The following TOLLIP variants were observed in gnomAD, a reference collection of about 807,000 sequenced individuals.
TOLLIP encodes the protein toll-interacting protein.
TOLLIP carries 16 observed loss-of-function variants against 33.5 expected under a neutral mutation model. The observed-to-expected ratio is 0.48, with a 90% CI of 0.32 to 0.72. The LOEUF (loss-of-function observed/expected upper bound fraction) is 0.72. Ranked by LOEUF, TOLLIP falls within the 30% of genes least tolerant of loss-of-function variation. TOLLIP has a pLI of 0.03. For synonymous variants in TOLLIP, 176 were observed against 163.7 expected (o/e 1.07, Z -0.57); for missense variants, 325 against 396.6 (o/e 0.82, Z 1.53).
chr11:1,279,556 G>A lies in TOLLIP; in HGVS notation c.611-2303C>T, dbSNP rs5744004. Reference sequence around the variant, plus strand: ...GGGCAGCCCAGAGCCCACCTGTAGCGGCCCTGGGAGGAGTGATGGGCGGCT... The same window carrying A: ...GGGCAGCCCAGAGCCCACCTGTAGCAGCCCTGGGAGGAGTGATGGGCGGCT... On this transcript the variant is annotated intron_variant, in intron 5 of 5. Transcript: ENST00000317204. Among the ~76,000 whole-genome samples the A allele has an allele frequency of 2.5e-3, 385 of 152,328 alleles. 4 individuals carry two copies. Among genetic ancestry groups the A allele is most frequent in the African/African-American group, 8.9e-3 (370 of 41,586 alleles).
chr11:1,292,847 C>G (rs527762138), intron 2 of TOLLIP, among the ~76,000 whole-genome samples: 2 of 152,222 alleles, frequency 1.3e-5, no homozygotes, highest in Admixed American at 1.3e-4. Context: ...CTAGGAGGAC[C>G]GGGTATGCGG....
intron 5 of TOLLIP, chr11:1,283,363 G>C: frequency 2.9e-6 from 1 of 350,438 alleles, no homozygotes; most frequent in South Asian, 2.1e-5. Context: ...GGATGCTGCG[G>C]ACTCAGACGG....
chr11:1,292,624 A>C (rs1253339603), intron 2 of TOLLIP, among the ~76,000 whole-genome samples: 1 of 152,232 alleles, frequency 6.6e-6, no homozygotes, highest in African/African-American at 2.4e-5. Flanking sequence ...CTATGACTGC[A>C]CACAACCACA....
chr11:1,279,414 G>C (rs1037511308), intron 5 of TOLLIP, among the ~76,000 whole-genome samples: 1 of 152,228 alleles, frequency 6.6e-6, no homozygotes, highest in African/African-American at 2.4e-5. Context: ...CTCCGGGAAC[G>C]GTGAGCGTAT....
At chr11:1,281,754 C>A (rs1863506458) in intron 5 of TOLLIP, among the ~76,000 whole-genome samples, 1 of 152,286 alleles carries the variant, frequency 6.6e-6, no homozygotes, top group South Asian at 2.1e-4. Context: ...GAGCACGCGG[C>A]ACAGGCTTCT....
At chr11:1,300,583 GGA>G (rs1268124800) in intron 1 of TOLLIP, among the ~76,000 whole-genome samples, 1 of 152,186 alleles carries the variant, frequency 6.6e-6, no homozygotes, top group East Asian at 1.9e-4. Flanking sequence ...CGTCTCCAAC[GGA>G]GAGAGCCGCT....
intron 3 of TOLLIP, 82 bp from the exon 4 acceptor site, chr11:1,288,858 C>T: frequency 1.4e-6 from 2 of 1,473,890 alleles, no homozygotes; most frequent in African/African-American, 1.4e-5. Flanking sequence ...GTGGGCCCGC[C>T]TCGAGTCCCC....
intron 1 of TOLLIP, among the ~76,000 whole-genome samples, chr11:1,308,652 G>T (rs965581776): frequency 6.6e-6 from 1 of 152,240 alleles, no homozygotes; most frequent in African/African-American, 2.4e-5. Flanking sequence ...TTCAGAGCAG[G>T]AAAGGTTCTC....
At chr11:1,286,961 A>G (rs1461655590) in intron 4 of TOLLIP, among the ~76,000 whole-genome samples, 1 of 151,860 alleles carries the variant, frequency 6.6e-6, no homozygotes. Context: ...AAAACTGTCA[A>G]CTGTGGATAA....
rs555702183 is a variant in TOLLIP at position 1,279,226 on chromosome 11, G to A, written c.611-1973C>T. ...GCCCTCAAGTGAATCCCAACAGCAC[G>A]GCCCCAACACACTCACTTGGGGAGC... On this transcript the variant is annotated intron_variant, in intron 5 of 5. Coordinates refer to ENST00000317204, the MANE Select transcript of TOLLIP (RefSeq NM_019009.4). Among the ~76,000 whole-genome samples, 4 of 152,332 alleles carry A rather than the reference G, an allele frequency of 2.6e-5. No homozygotes were observed. In the East Asian group the frequency reaches 5.8e-4, roughly 22 times the overall value.
intron 1 of TOLLIP, among the ~76,000 whole-genome samples, chr11:1,304,114 A>C (rs1864360009): frequency 6.6e-6 from 1 of 151,582 alleles, no homozygotes; most frequent in South Asian, 2.1e-4. Flanking sequence ...CAGCAAACAG[A>C]GGGCCAAAAA....
At chr11:1,286,894 T>G (rs532232106) in intron 4 of TOLLIP, among the ~76,000 whole-genome samples, 1 of 152,190 alleles carries the variant, frequency 6.6e-6, no homozygotes, top group Non-Finnish European at 1.5e-5. Context: ...TGCTGTCTCC[T>G]GAGTTCAAAA....
At position 1,295,799 on chromosome 11, in the gene TOLLIP, G is replaced by C; in HGVS notation, c.34-5C>G. The C allele has an allele frequency of 6.4e-7, 1 of 1,551,282 alleles. No homozygotes were observed. Among genetic ancestry groups the C allele is most frequent in the Non-Finnish European group, 8.7e-7 (1 of 1,145,442 alleles). On this transcript the variant is annotated splice_region_variant and splice_polypyrimidine_tract_variant and intron_variant, in intron 1 of 5. Transcript: ENST00000317204. ...CGGGAGCTCACCGATGTACACCTGCGGGGCCGGGGACCAGAGAGGCCAGTG... is the reference window on the plus strand; with the variant it reads ...CGGGAGCTCACCGATGTACACCTGCCGGGCCGGGGACCAGAGAGGCCAGTG...
chr11:1,297,344 C>T (rs946634192), intron 1 of TOLLIP, among the ~76,000 whole-genome samples: 3 of 152,164 alleles, frequency 2.0e-5, no homozygotes, highest in Non-Finnish European at 2.9e-5. Context: ...GGGTCTAGCT[C>T]CTCACCTGTG....
Position 1,277,116 on chromosome 11 carries a change from G to C in TOLLIP, c.748C>G (p.Arg250Gly), listed in dbSNP as rs368124186. 1 of 1,614,126 alleles carries C rather than the reference G, an allele frequency of 6.2e-7. No individual in the cohort carries two copies. The highest frequency in any genetic ancestry group is 8.5e-7 in the Non-Finnish European group (1 of 1,179,998). ...MFPNMDQEVIRSVLEAQRGNK... is the reference protein window; with the variant it reads ...MFPNMDQEVIGSVLEAQRGNK... ...CCTCGCTGGGCTTCCAGCACGGAGC[G>C]GATCACCTCCTGGTCCATGTTGGGG... The change falls in exon 6 of 6, where the codon CGC (arginine) becomes GGC (glycine). Residue 250 changes from arginine (R) to glycine (G), a missense_variant. By Grantham distance (125) the Arg-to-Gly change is moderately radical (BLOSUM62 -2). Coordinates refer to ENST00000317204, the MANE Select transcript of TOLLIP (RefSeq NM_019009.4). The surrounding 1 kb of genome is among the most constrained non-coding windows in gnomAD (Gnocchi z 4.2).
intron 5 of TOLLIP, among the ~76,000 whole-genome samples, chr11:1,284,760 A>T (rs562484322): frequency 2.4e-4 from 37 of 152,296 alleles, no homozygotes; most frequent in Admixed American, 2.3e-3. Flanking sequence ...GCGGCTTCAC[A>T]TGGAAACAGA....
chr11:1,297,856 C>T (rs1254115623), intron 1 of TOLLIP, among the ~76,000 whole-genome samples: 13 of 152,234 alleles, frequency 8.5e-5, no homozygotes, highest in Admixed American at 2.0e-4. Flanking sequence ...CTCAGGAGGG[C>T]GCTGAGAGGC....
At position 1,277,129 on chromosome 11, in the gene TOLLIP, G is replaced by C. The variant is rs756374711; in HGVS notation, c.735C>G (p.Asp245Glu). ...CCAGCACGGAGCGGATCACCTCCTG[G>C]TCCATGTTGGGGAACATGTCCTGGA... ...KAIQDMFPNM[D>E]QEVIRSVLEA... The change falls in exon 6 of 6, where the codon GAC (aspartate) becomes GAG (glutamate). Residue 245 changes from aspartate (D) to glutamate (E), a missense_variant. By Grantham distance (45) the Asp-to-Glu change is conservative (BLOSUM62 2). Coordinates refer to ENST00000317204, the MANE Select transcript of TOLLIP (RefSeq NM_019009.4). The surrounding 1 kb of genome is among the most constrained non-coding windows in gnomAD (Gnocchi z 4.2). The C allele has an allele frequency of 6.2e-7, 1 of 1,613,982 alleles. No homozygotes were observed. Among genetic ancestry groups the C allele is most frequent in the African/African-American group, 1.3e-5 (1 of 74,942 alleles).
rs528066905 is a variant in TOLLIP at position 1,279,030 on chromosome 11, G to C, written c.611-1777C>G. ...CCCACAGCGTGGCAACATGAGGAAC[G>C]GAGGCACCGTGCTCCCACTCTCTCC... On this transcript the variant is annotated intron_variant, in intron 5 of 5. Transcript: ENST00000317204. 5.9e-5 allele frequency among the ~76,000 whole-genome samples: 9 copies of C among 152,314 alleles called. No individual in the cohort carries two copies. In the South Asian group the frequency reaches 1.2e-3, roughly 21 times the overall value.
Sources: allele counts gnomAD v4.1 joint callset (sites outside exome capture counted in the v4.1 genomes callset), GRCh38; gene constraint gnomAD v4.1.1; non-coding constraint Gnocchi (gnomAD v3.1); transcripts MANE v1.5; gene names NCBI Gene and HGNC (gene_info 2026-07-23, HGNC 2026-07-21).